OR1J2: variants seen among roughly 807,000 people sequenced by gnomAD.
The protein encoded by OR1J2 is olfactory receptor family 1 subfamily J member 2.
For synonymous variants in OR1J2, 142 were observed against 99.7 expected (o/e 1.42, Z -2.52); for missense variants, 304 against 246.1 (o/e 1.24, Z -1.57).
chr9:122,567,818 T>C, the OR1J2 span: 2 of 1,613,946 alleles, frequency 1.2e-6, no homozygotes, highest in East Asian at 2.2e-5. Context: ...TGAGGATTCG[T>C]ATATAAGAGA....
the OR1J2 span, among the ~76,000 whole-genome samples, chr9:122,565,034 C>A: frequency 1.3e-5 from 2 of 152,176 alleles, no homozygotes; most frequent in African/African-American, 2.4e-5. Flanking sequence ...ATTCAAGGGA[C>A]TTATACTTCC....
chr9:122,564,297 G>A, the OR1J2 span, among the ~76,000 whole-genome samples: 3 of 152,276 alleles, frequency 2.0e-5, no homozygotes, highest in East Asian at 3.9e-4. Context: ...CTGTGGTTAT[G>A]TCCCCAGTGC....
the OR1J2 span, among the ~76,000 whole-genome samples, chr9:122,530,983 A>G: frequency 5.3e-5 from 8 of 152,218 alleles, no homozygotes; most frequent in Non-Finnish European, 1.0e-4. Flanking sequence ...ATGATGGCTT[A>G]GCTTAGGCTC....
At chr9:122,520,630 T>G in the OR1J2 span, among the ~76,000 whole-genome samples, 5 of 152,232 alleles carry the variant, frequency 3.3e-5, no homozygotes, top group African/African-American at 1.2e-4. Flanking sequence ...CAGTTCACTT[T>G]CAGACCAATG....
At chr9:122,553,736 A>G in the OR1J2 span, 1 of 1,613,974 alleles carries the variant, frequency 6.2e-7, no homozygotes. Context: ...GTGCCCAGAA[A>G]GCCATCCCTC....
the OR1J2 span, among the ~76,000 whole-genome samples, chr9:122,577,907 ATG>A: frequency 6.6e-6 from 1 of 152,198 alleles, no homozygotes; most frequent in Admixed American, 6.5e-5. Context: ...GAAATTCAAT[ATG>A]TGGTTAATTA....
At position 122,511,504 on chromosome 9, in the gene OR1J2, C is replaced by T. The variant is rs755922934; in HGVS notation, c.703C>T (p.His235Tyr). The T allele has an allele frequency of 7.7e-6, 6 of 780,844 alleles. No homozygotes were observed. The Admixed American group carries it at 1.0e-4, about 13-fold the overall frequency. The allele number at this position is 780,844 out of a possible 1,614,324, so 48.4% of individuals were successfully genotyped here. ...GAGGGTCCCTTCAACCAAAGGGATC[C>T]ACAAAGCATTGTCCACATGTGGCTC... ...ILRVPSTKGI[H>Y]KALSTCGSHL... Residue 235 changes from histidine (H) to tyrosine (Y), a missense_variant, in exon 1 of 1, where the codon CAC (histidine) becomes TAC (tyrosine). By Grantham distance (83) the His-to-Tyr change is moderately conservative (BLOSUM62 2). Coordinates refer to ENST00000335302, the MANE Select transcript of OR1J2 (RefSeq NM_054107.1).
At chr9:122,479,804 T>C in the OR1J2 span, among the ~76,000 whole-genome samples, 1 of 152,246 alleles carries the variant, frequency 6.6e-6, no homozygotes. Context: ...GAATCTATCA[T>C]AACCAACTAA....
chr9:122,468,060 A>T, the OR1J2 span, among the ~76,000 whole-genome samples: 2 of 152,200 alleles, frequency 1.3e-5, no homozygotes, highest in Non-Finnish European at 2.9e-5. Flanking sequence ...GACTTAGAGG[A>T]TGTAATTTTT....
At chr9:122,522,790 C>T in the OR1J2 span, among the ~76,000 whole-genome samples, 1 of 152,138 alleles carries the variant, frequency 6.6e-6, no homozygotes, top group African/African-American at 2.4e-5. Flanking sequence ...AAAGAGAAAG[C>T]CTCCAGGCAA....
chr9:122,476,806 A>T, the OR1J2 span: 1 of 565,470 alleles, frequency 1.8e-6, no homozygotes, highest in Non-Finnish European at 3.1e-6. Context: ...CCTGGGTTCA[A>T]GTGATTCTTC....
At chr9:122,509,493 C>A (rs568264239), upstream of OR1J2, among the ~76,000 whole-genome samples, 9 of 152,280 alleles carry the variant, frequency 5.9e-5, no homozygotes, top group South Asian at 1.9e-3. Context: ...TGACAGTAAA[C>A]AATAAAGCGT....
the OR1J2 span, among the ~76,000 whole-genome samples, chr9:122,460,806 G>T: frequency 1.3e-5 from 2 of 152,070 alleles, no homozygotes; most frequent in Non-Finnish European, 2.9e-5. Context: ...AGTTTTCATT[G>T]TAGAGGTCTT....
At chr9:122,562,698 C>T in the OR1J2 span, among the ~76,000 whole-genome samples, 13 of 152,120 alleles carry the variant, frequency 8.5e-5, no homozygotes, top group Admixed American at 2.6e-4. Context: ...TTGCAGGGTT[C>T]GCATGCTGTT....
chr9:122,462,093 G>T, the OR1J2 span, among the ~76,000 whole-genome samples: 1 of 152,056 alleles, frequency 6.6e-6, no homozygotes, highest in East Asian at 1.9e-4. Context: ...ATACATTTGG[G>T]AGCTCTAGTG....
downstream of OR1J2, among the ~76,000 whole-genome samples, chr9:122,515,505 C>T (rs1354446258): frequency 6.6e-6 from 1 of 151,134 alleles, no homozygotes; most frequent in Non-Finnish European, 1.5e-5. Flanking sequence ...TCTTTAACCC[C>T]ACGTTGTGGG....
chr9:122,473,865 T>A, the OR1J2 span, among the ~76,000 whole-genome samples: 16 of 152,346 alleles, frequency 1.1e-4, no homozygotes, highest in African/African-American at 3.1e-4. Flanking sequence ...TCTTGCAGAC[T>A]TCACTGCAAG....
chr9:122,569,030 G>A, the OR1J2 span, among the ~76,000 whole-genome samples: 3 of 151,822 alleles, frequency 2.0e-5, no homozygotes, highest in Admixed American at 6.6e-5. Flanking sequence ...GTTGTGTCAC[G>A]CTGAAGTTTA....
downstream of OR1J2, among the ~76,000 whole-genome samples, chr9:122,515,249 C>T (rs1358614181): frequency 1.3e-5 from 2 of 152,020 alleles, no homozygotes; most frequent in Non-Finnish European, 2.9e-5. Context: ...TAACTCTGGT[C>T]CCTTGGTCTC....
Sources: gnomAD v4.1 joint callset for allele counts (sites outside exome capture counted in the v4.1 genomes callset) on GRCh38, gnomAD v4.1.1 for gene constraint, MANE v1.5 for transcripts, NCBI Gene and HGNC (gene_info 2026-07-23, HGNC 2026-07-21) for gene names.